PTGER3: variants seen among roughly 807,000 people sequenced by gnomAD.
PTGER3 encodes prostaglandin E receptor 3.
PTGER3 carries 22 observed loss-of-function variants against 34.7 expected under a neutral mutation model. The observed-to-expected ratio is 0.63, with a 90% CI of 0.45 to 0.91. PTGER3 has a LOEUF of 0.91. PTGER3 is among the 40% of genes least tolerant of loss of function. The probability of loss-of-function intolerance (pLI) is 0.00; values close to 1 mark genes in which losing one functional copy is unlikely to be tolerated. For missense variants in PTGER3, 468 were observed against 519.4 expected (o/e 0.90, Z 0.96); for synonymous variants, 241 against 230.1 (o/e 1.05, Z -0.43).
intron 4 of PTGER3, among the ~76,000 whole-genome samples, chr1:70,903,536 A>G (rs909114009): frequency 6.6e-6 from 1 of 152,166 alleles, no homozygotes; most frequent in East Asian, 1.9e-4. Flanking sequence ...CAAAGAAATA[A>G]AATCACCTTC....
chr1:71,033,435 T>A (rs918407293), intron 1 of PTGER3, among the ~76,000 whole-genome samples: 40 of 152,198 alleles, frequency 2.6e-4, no homozygotes, highest in African/African-American at 9.2e-4. Context: ...GGCTTTATTC[T>A]GGCACACTGC....
chr1:71,024,102 G>A lies in PTGER3; in HGVS notation c.898-11618C>T, dbSNP rs190151397. ...GCTCCTCTTTACTTGGTGAGTACCT[G>A]TTGTGTTCTCTAGCCTAAGTTCTCA... is the stretch of plus-strand genomic sequence containing the variant. On this transcript the variant is annotated intron_variant, in intron 1 of 3. Coordinates refer to ENST00000306666, the MANE Select transcript of PTGER3 (RefSeq NM_198719.2). 5.1e-4 allele frequency among the ~76,000 whole-genome samples: 77 copies of A among 152,222 alleles called. No homozygotes were observed. The Middle Eastern group carries it at 0.01, about 20-fold the overall frequency.
chr1:70,980,982 G>A lies in PTGER3; in HGVS notation c.1078-6594C>T, dbSNP rs562133638. On this transcript the variant is annotated intron_variant, in intron 2 of 3. Coordinates refer to ENST00000306666, the MANE Select transcript of PTGER3 (RefSeq NM_198719.2). ...ATAAGAGACTTCCTTTTTTGAGAAT[G>A]TCAAGAAAATAAGGAAGATTAGTAT... 1.6e-3 allele frequency among the ~76,000 whole-genome samples: 242 copies of A among 152,214 alleles called. 3 individuals carry two copies. The highest frequency in any genetic ancestry group is 5.4e-3 in the African/African-American group (225 of 41,518).
intron 1 of PTGER3, among the ~76,000 whole-genome samples, chr1:71,043,811 T>TTTCTTTG (rs1441755668): frequency 6.6e-6 from 1 of 151,980 alleles, no homozygotes; most frequent in African/African-American, 2.4e-5. Flanking sequence ...TTTGGAGTTT[T>TTTCTTTG]TTTTTTGTTT....
At chr1:70,947,366 A>T (rs1650318191) in intron 4 of PTGER3, 1 of 153,402 alleles carries the variant, frequency 6.5e-6, no homozygotes, top group Non-Finnish European at 1.4e-5. Context: ...AGATGGGTTT[A>T]TCAGGGGTTT....
chr1:70,868,451 C>G (rs1378341550), intron 4 of PTGER3, among the ~76,000 whole-genome samples: 1 of 152,146 alleles, frequency 6.6e-6, no homozygotes, highest in Non-Finnish European at 1.5e-5. Flanking sequence ...TTATTATTTA[C>G]AAGCTCACAC....
chr1:70,882,247 C>G (rs549820589), intron 4 of PTGER3, among the ~76,000 whole-genome samples: 13 of 152,318 alleles, frequency 8.5e-5, no homozygotes, highest in Non-Finnish European at 1.9e-4. Context: ...ACCCACCCTA[C>G]CATCTGGGTA....
At chr1:71,034,533 AAAGT>A (rs756467461) in intron 1 of PTGER3, among the ~76,000 whole-genome samples, 17 of 152,232 alleles carry the variant, frequency 1.1e-4, no homozygotes, top group Non-Finnish European at 2.9e-5. Context: ...CTTGTGCAAT[AAAGT>A]ATGTATGCAG....
At chr1:70,976,368 T>C (rs1348203550) in intron 2 of PTGER3, among the ~76,000 whole-genome samples, 1 of 152,092 alleles carries the variant, frequency 6.6e-6, no homozygotes, top group African/African-American at 2.4e-5. Flanking sequence ...TCCTTGTAGA[T>C]TCATCAATTG....
Position 71,044,475 on chromosome 1 carries a change from CAT to C in PTGER3, c.897+2204_897+2205del, listed in dbSNP as rs528178681. On this transcript the variant is annotated intron_variant, in intron 1 of 3. Coordinates refer to ENST00000306666, the MANE Select transcript of PTGER3 (RefSeq NM_198719.2). The stretch of plus-strand genomic sequence containing the variant: ...AAAATTCTCCTTTTTGATATGATCA[CAT>C]GTTTAATTTATTTTGTTTAATGTTT... Among the ~76,000 whole-genome samples the C allele has an allele frequency of 2.9e-3, 438 of 149,876 alleles. 3 individuals carry two copies. The highest frequency in any genetic ancestry group is 9.9e-3 in the African/African-American group (404 of 40,746).
intron 4 of PTGER3, among the ~76,000 whole-genome samples, chr1:70,859,811 G>A (rs1645887820): frequency 6.6e-6 from 1 of 152,146 alleles, no homozygotes; most frequent in Admixed American, 6.5e-5. Flanking sequence ...TGTTGAGGAA[G>A]TTGACAAGAA....
intron 1 of PTGER3, among the ~76,000 whole-genome samples, chr1:71,039,770 A>T (rs942804272): frequency 6.6e-6 from 1 of 152,124 alleles, no homozygotes; most frequent in African/African-American, 2.4e-5. Flanking sequence ...ATGAACTATA[A>T]CTAATCAAGC....
At chr1:71,011,681 G>A (rs1657461347) in intron 2 of PTGER3, 2 of 974,864 alleles carry the variant, frequency 2.1e-6, no homozygotes, top group Non-Finnish European at 1.2e-6. Context: ...TTGCTGTATT[G>A]AGCAATATTT....
At chr1:71,010,491 C>A (rs1657344741) in intron 2 of PTGER3, 1 of 983,552 alleles carries the variant, frequency 1.0e-6, no homozygotes, top group Non-Finnish European at 1.2e-6. Flanking sequence ...AAGGAATAAC[C>A]TAATCATGCT....
chr1:70,966,854 G>A (rs975710022), downstream of PTGER3, among the ~76,000 whole-genome samples: 2 of 152,076 alleles, frequency 1.3e-5, no homozygotes. Context: ...TATCACTGAT[G>A]GGCATTTGTG....
At chr1:70,962,483 T>TA (rs1031806478) in intron 2 of PTGER3, among the ~76,000 whole-genome samples, 23 of 147,660 alleles carry the variant, frequency 1.6e-4, no homozygotes, top group Admixed American at 6.8e-4. Flanking sequence ...GGGCAATCTA[T>TA]AAAAAAAAAA....
intron 2 of PTGER3, among the ~76,000 whole-genome samples, chr1:70,965,497 A>G (rs74089196): frequency 0.014 from 2,106 of 152,312 alleles, 52 homozygotes; most frequent in African/African-American, 0.046. Flanking sequence ...AGATACATAG[A>G]AAGGAGACTA....
At chr1:71,042,376 C>CT (rs1035489796) in intron 1 of PTGER3, among the ~76,000 whole-genome samples, 7 of 151,344 alleles carry the variant, frequency 4.6e-5, no homozygotes, top group African/African-American at 9.7e-5. Flanking sequence ...TTCAGACTGA[C>CT]TTTTTTCTGA....
At chr1:70,990,408 ATAT>A (rs1025257758) in intron 2 of PTGER3, among the ~76,000 whole-genome samples, 4 of 147,766 alleles carry the variant, frequency 2.7e-5, no homozygotes, top group African/African-American at 9.9e-5. Flanking sequence ...TATAAAATAC[ATAT>A]TATATCTATT....
Sources: allele counts gnomAD v4.1 joint callset (sites outside exome capture counted in the v4.1 genomes callset), GRCh38; gene constraint gnomAD v4.1.1; transcripts MANE v1.5; gene names NCBI Gene and HGNC (gene_info 2026-07-23, HGNC 2026-07-21).